GALNT13: variants seen among roughly 807,000 people sequenced by gnomAD.
GALNT13 encodes UDP-GalNAc:polypeptide N-acetylgalactosaminyltransferase 13.
A neutral mutation model predicts 64.2 loss-of-function variants in GALNT13; 28 were observed. The observed-to-expected ratio is 0.44, with a 90% CI of 0.32 to 0.60. GALNT13 has a LOEUF of 0.60. Ranked by LOEUF, GALNT13 falls within the 20% of genes least tolerant of loss-of-function variation. The probability of loss-of-function intolerance (pLI) is 0.05; values close to 1 mark genes in which losing one functional copy is unlikely to be tolerated. For synonymous variants in GALNT13, 214 were observed against 224.6 expected (o/e 0.95, Z 0.42); for missense variants, 577 against 669.8 (o/e 0.86, Z 1.53).
chr2:153,994,070 C>G (rs1455762813), intron 3 of GALNT13, among the ~76,000 whole-genome samples: 1 of 152,040 alleles, frequency 6.6e-6, no homozygotes, highest in African/African-American at 2.4e-5. Flanking sequence ...CCCCACTCAC[C>G]CCACCCCATG....
intron 9 of GALNT13, among the ~76,000 whole-genome samples, chr2:154,342,681 A>T (rs936819058): frequency 1.3e-5 from 2 of 152,040 alleles, no homozygotes; most frequent in East Asian, 1.9e-4. Context: ...GCAAAGTTGA[A>T]TAAGTACAAC....
the GALNT13 span, among the ~76,000 whole-genome samples, chr2:153,650,192 T>G: frequency 6.6e-6 from 1 of 152,316 alleles, no homozygotes; most frequent in South Asian, 2.1e-4. Context: ...CTCTTCTTGT[T>G]GAATTGATCC....
chr2:153,248,806 A>G, the GALNT13 span, among the ~76,000 whole-genome samples: 1 of 111,696 alleles, frequency 9.0e-6, no homozygotes, highest in Admixed American at 1.1e-4. Context: ...ACTGAGCGAG[A>G]CTCTGTCTCG....
intron 1 of GALNT13, among the ~76,000 whole-genome samples, chr2:153,881,913 T>G (rs2105239776): frequency 6.6e-6 from 1 of 152,252 alleles, no homozygotes; most frequent in African/African-American, 2.4e-5. Flanking sequence ...TGAAGAACAT[T>G]ATTACTATCA....
At chr2:154,233,510 A>G (rs987664639) in intron 4 of GALNT13, among the ~76,000 whole-genome samples, 3 of 152,194 alleles carry the variant, frequency 2.0e-5, no homozygotes, top group East Asian at 3.8e-4. Flanking sequence ...TTCTTGATGC[A>G]TGAAATGAAG....
the GALNT13 span, among the ~76,000 whole-genome samples, chr2:153,829,004 G>A: frequency 2.6e-5 from 4 of 152,114 alleles, no homozygotes; most frequent in Admixed American, 2.0e-4. Flanking sequence ...AGTCACCTTT[G>A]CTCCAGTTCC....
the GALNT13 span, among the ~76,000 whole-genome samples, chr2:153,207,205 A>C: frequency 6.6e-6 from 1 of 152,080 alleles, no homozygotes; most frequent in Non-Finnish European, 1.5e-5. Flanking sequence ...GCAGAAATGG[A>C]ATAGTTTTCT....
the GALNT13 span, among the ~76,000 whole-genome samples, chr2:153,091,589 C>T: frequency 6.6e-6 from 1 of 152,176 alleles, no homozygotes; most frequent in Admixed American, 6.5e-5. Flanking sequence ...CAGTGTGAGT[C>T]TCCACATGCT....
chr2:153,781,024 A>C, the GALNT13 span, among the ~76,000 whole-genome samples: 1 of 152,178 alleles, frequency 6.6e-6, no homozygotes, highest in Non-Finnish European at 1.5e-5. Context: ...CAATTACATA[A>C]ACTTGGTCCT....
chr2:154,138,413 CTT>C (rs1225608492), intron 3 of GALNT13, among the ~76,000 whole-genome samples: 1 of 151,956 alleles, frequency 6.6e-6, no homozygotes, highest in Non-Finnish European at 1.5e-5. Context: ...CAGGGAATTT[CTT>C]TCTTAATTTC....
intron 9 of GALNT13, among the ~76,000 whole-genome samples, chr2:154,327,511 T>C (rs931577248): frequency 2.0e-5 from 3 of 152,104 alleles, no homozygotes; most frequent in Admixed American, 6.6e-5. Context: ...TTCACTTCCC[T>C]AAAGAAACCT....
intron 9 of GALNT13, among the ~76,000 whole-genome samples, chr2:154,321,203 A>T: frequency 6.6e-6 from 1 of 152,122 alleles, no homozygotes; most frequent in East Asian, 1.9e-4. Context: ...GTTGTAATTC[A>T]GGGGTCAGCC....
At chr2:153,673,847 C>A in the GALNT13 span, among the ~76,000 whole-genome samples, 1 of 152,186 alleles carries the variant, frequency 6.6e-6, no homozygotes, top group South Asian at 2.1e-4. Flanking sequence ...TAAGCAACTT[C>A]AGCAAAGTCT....
chr2:153,963,205 A>G (rs1406133170), intron 3 of GALNT13, among the ~76,000 whole-genome samples: 1 of 152,188 alleles, frequency 6.6e-6, no homozygotes, highest in Non-Finnish European at 1.5e-5. Context: ...AATTCTATTA[A>G]TTAGGACAGA....
At chr2:154,327,433 A>G (rs991706977) in intron 9 of GALNT13, among the ~76,000 whole-genome samples, 1 of 152,042 alleles carries the variant, frequency 6.6e-6, no homozygotes, top group African/African-American at 2.4e-5. Flanking sequence ...TTTAAGTTAA[A>G]ATTGTCTGCT....
chr2:154,147,998 A>G (rs1469517507), intron 4 of GALNT13, among the ~76,000 whole-genome samples: 6 of 151,906 alleles, frequency 3.9e-5, no homozygotes, highest in East Asian at 1.9e-4. Flanking sequence ...TACATGTGCC[A>G]TGCTGGTGTG....
chr2:153,984,521 A>G (rs1694666960), intron 3 of GALNT13, among the ~76,000 whole-genome samples: 2 of 151,684 alleles, frequency 1.3e-5, no homozygotes, highest in Admixed American at 6.6e-5. Flanking sequence ...TTTTATTTTT[A>G]TGTTAGATCA....
the GALNT13 span, among the ~76,000 whole-genome samples, chr2:153,069,129 T>TCGGG: frequency 6.6e-6 from 1 of 152,214 alleles, no homozygotes; most frequent in East Asian, 1.9e-4. Context: ...TGCTACCTCT[T>TCGGG]TGACCTTCAG....
At chr2:154,256,798 G>A (rs751126028) in intron 7 of GALNT13, among the ~76,000 whole-genome samples, 1 of 151,982 alleles carries the variant, frequency 6.6e-6, no homozygotes, top group African/African-American at 2.4e-5. Context: ...TTCCCCTCTC[G>A]TTCAATTGAC....
Sources: gnomAD v4.1 joint callset for allele counts (sites outside exome capture counted in the v4.1 genomes callset) on GRCh38, gnomAD v4.1.1 for gene constraint, MANE v1.5 for transcripts, NCBI Gene and HGNC (gene_info 2026-07-23, HGNC 2026-07-21) for gene names.